Variants in AUTS2 observed in about 807,000 individuals in gnomAD.
AUTS2 encodes activator of transcription and developmental regulator AUTS2, also known as autism susceptibility gene 2 protein.
A neutral mutation model predicts 112.4 loss-of-function variants in AUTS2; 17 were observed. The observed-to-expected ratio is 0.15, with a 90% CI of 0.10 to 0.23. The LOEUF is 0.23. Among genes scored for constraint, AUTS2 ranks in the 10% least tolerant of loss-of-function variants. The pLI is 1.00. For synonymous variants in AUTS2, 751 were observed against 702.7 expected (o/e 1.07, Z -1.09); for missense variants, 1,510 against 1,701.6 (o/e 0.89, Z 1.98).
At chr7:70,425,139 T>A (rs1339549761) in intron 4 of AUTS2, among the ~76,000 whole-genome samples, 3 of 152,204 alleles carry the variant, frequency 2.0e-5, no homozygotes, top group Non-Finnish European at 4.4e-5. Flanking sequence ...AAGCCGTAGC[T>A]ACATTCAGTG....
At chr7:69,725,878 G>C (rs1786484973) in intron 1 of AUTS2, among the ~76,000 whole-genome samples, 1 of 152,206 alleles carries the variant, frequency 6.6e-6, no homozygotes, top group Non-Finnish European at 1.5e-5. Flanking sequence ...TATATGTAGG[G>C]TGTTGTGTGA....
chr7:69,682,758 A>G (rs1165794101), intron 1 of AUTS2, among the ~76,000 whole-genome samples: 2 of 152,096 alleles, frequency 1.3e-5, no homozygotes, highest in East Asian at 3.9e-4. Flanking sequence ...TCAGAAACAA[A>G]ACCTCTGCTT....
chr7:70,073,174 G>A (rs548434754), intron 2 of AUTS2, among the ~76,000 whole-genome samples: 2 of 151,038 alleles, frequency 1.3e-5, no homozygotes, highest in South Asian at 2.1e-4. Context: ...TGCCCAAAAG[G>A]TTCTAGCCAG....
chr7:70,444,796 G>C (rs991517137), intron 5 of AUTS2, among the ~76,000 whole-genome samples: 3 of 152,148 alleles, frequency 2.0e-5, no homozygotes, highest in Non-Finnish European at 4.4e-5. Flanking sequence ...TACGGAGACA[G>C]CCGAATGGGG....
intron 1 of AUTS2, among the ~76,000 whole-genome samples, chr7:69,830,956 A>G (rs1311269475): frequency 7.9e-5 from 12 of 152,216 alleles, no homozygotes; most frequent in Non-Finnish European, 2.9e-5. Context: ...TAAACTAAGT[A>G]TACTCCCTTC....
At chr7:70,640,572 GGTGTGT>G (rs56257017) in intron 5 of AUTS2, among the ~76,000 whole-genome samples, 11 of 150,096 alleles carry the variant, frequency 7.3e-5, no homozygotes, top group Non-Finnish European at 3.0e-5. Context: ...CAGAACTAAT[GGTGTGT>G]GTGTGTGTGT....
At chr7:70,698,045 T>TG (rs1189867668) in intron 5 of AUTS2, among the ~76,000 whole-genome samples, 3 of 152,168 alleles carry the variant, frequency 2.0e-5, no homozygotes, top group African/African-American at 7.2e-5. Flanking sequence ...CAAGGTCGTT[T>TG]GGTTACTGCA....
chr7:70,487,614 G>A (rs563649671), intron 5 of AUTS2, among the ~76,000 whole-genome samples: 20 of 152,302 alleles, frequency 1.3e-4, no homozygotes, highest in Middle Eastern at 3.4e-3. Flanking sequence ...AGCTGGGGCC[G>A]GTTTTGATGA....
At chr7:69,639,385 A>T (rs1015183933) in intron 1 of AUTS2, among the ~76,000 whole-genome samples, 1 of 152,204 alleles carries the variant, frequency 6.6e-6, no homozygotes, top group African/African-American at 2.4e-5. Flanking sequence ...TGTTGGTGGC[A>T]TAAGTTCAGC....
chr7:70,326,573 G>T (rs1490625524), intron 4 of AUTS2, among the ~76,000 whole-genome samples: 2 of 152,176 alleles, frequency 1.3e-5, no homozygotes, highest in Admixed American at 6.5e-5. Context: ...CATGGCTCTA[G>T]GTTTGGTTTA....
chr7:70,014,495 A>G (rs1454729335), intron 2 of AUTS2, among the ~76,000 whole-genome samples: 2 of 152,194 alleles, frequency 1.3e-5, no homozygotes, highest in East Asian at 1.9e-4. Context: ...TCACTGCTCA[A>G]TGAGTATTTA....
At chr7:70,394,306 A>C (rs936622125) in intron 4 of AUTS2, among the ~76,000 whole-genome samples, 5 of 152,156 alleles carry the variant, frequency 3.3e-5, no homozygotes, top group African/African-American at 4.8e-5. Context: ...CAACTTTTTG[A>C]AGTAGTCCCC....
At chr7:70,033,097 T>C (rs748530008) in intron 2 of AUTS2, among the ~76,000 whole-genome samples, 122 of 152,130 alleles carry the variant, frequency 8.0e-4, no homozygotes, top group Admixed American at 1.8e-3. Flanking sequence ...GTGGTAAAAA[T>C]ATAAAATTAG....
chr7:70,067,750 G>A (rs1367671267), intron 2 of AUTS2, among the ~76,000 whole-genome samples: 2 of 151,930 alleles, frequency 1.3e-5, no homozygotes, highest in Non-Finnish European at 2.9e-5. Flanking sequence ...TTACTTGCAG[G>A]ACTAAGGCAG....
At chr7:69,729,018 TATA>T (rs1159531689) in intron 1 of AUTS2, among the ~76,000 whole-genome samples, 5 of 152,186 alleles carry the variant, frequency 3.3e-5, no homozygotes, top group Admixed American at 3.3e-4. Context: ...ATGATACATT[TATA>T]ATTTTGTGTG....
At chr7:69,921,552 G>C (rs933426380) in intron 2 of AUTS2, among the ~76,000 whole-genome samples, 1 of 151,956 alleles carries the variant, frequency 6.6e-6, no homozygotes. Context: ...CAGATCACCT[G>C]AGGTCAGAAG....
At chr7:70,304,129 G>A (rs998501346) in intron 4 of AUTS2, among the ~76,000 whole-genome samples, 5 of 152,142 alleles carry the variant, frequency 3.3e-5, no homozygotes, top group African/African-American at 1.2e-4. Context: ...GGGAATTCCT[G>A]TGATTCACAC....
At chr7:70,027,798 C>G (rs912895794) in intron 2 of AUTS2, among the ~76,000 whole-genome samples, 1 of 152,142 alleles carries the variant, frequency 6.6e-6, no homozygotes, top group Non-Finnish European at 1.5e-5. Flanking sequence ...AAACCTAGAT[C>G]GACCTCAGGG....
intron 4 of AUTS2, among the ~76,000 whole-genome samples, chr7:70,258,221 C>A (rs1786983142): frequency 6.6e-6 from 1 of 152,104 alleles, no homozygotes; most frequent in African/African-American, 2.4e-5. Context: ...AATGGTTTGA[C>A]AATGTTGAGA....
Sources: gnomAD v4.1 joint callset for allele counts (sites outside exome capture counted in the v4.1 genomes callset) on GRCh38, gnomAD v4.1.1 for gene constraint, MANE v1.5 for transcripts, NCBI Gene and HGNC (gene_info 2026-07-23, HGNC 2026-07-21) for gene names.